ZRANB3: variants seen among roughly 807,000 people sequenced by gnomAD.
ZRANB3 encodes zinc finger RANBP2-type containing 3.
A neutral mutation model predicts 133.8 loss-of-function variants in ZRANB3; 125 were observed. That is an observed-to-expected ratio of 0.93 (90% CI 0.81 to 1.08). The LOEUF (loss-of-function observed/expected upper bound fraction) is 1.08, where lower values mean the gene tolerates loss of function less well. ZRANB3 is among the 50% of genes least tolerant of loss of function. The pLI, the probability that ZRANB3 is intolerant of heterozygous loss-of-function variation, is 0.00. For synonymous variants in ZRANB3, 387 were observed against 432.7 expected (o/e 0.89, Z 1.31); for missense variants, 1,229 against 1,275.5 (o/e 0.96, Z 0.56).
At chr2:135,375,844 G>A (rs1455416832) in intron 3 of ZRANB3, among the ~76,000 whole-genome samples, 7 of 150,970 alleles carry the variant, frequency 4.6e-5, no homozygotes, top group Non-Finnish European at 1.5e-5. Context: ...CAACAAGAGC[G>A]AAACTCCATC....
chr2:135,216,601 A>ATT (rs577194391), intron 17 of ZRANB3, among the ~76,000 whole-genome samples: 19 of 140,856 alleles, frequency 1.3e-4, no homozygotes, highest in African/African-American at 2.6e-4. Flanking sequence ...CACCTGGCTA[A>ATT]TTTTTTTTTT....
At chr2:135,402,406 T>A (rs1687775465) in intron 2 of ZRANB3, among the ~76,000 whole-genome samples, 1 of 151,752 alleles carries the variant, frequency 6.6e-6, no homozygotes. Context: ...GTGATTCTCC[T>A]GCCTCAGTCT....
intron 17 of ZRANB3, among the ~76,000 whole-genome samples, chr2:135,213,668 C>T (rs952854795): frequency 1.3e-5 from 2 of 152,090 alleles, no homozygotes; most frequent in African/African-American, 2.4e-5. Flanking sequence ...AGATCCTCAT[C>T]GTTTTTCTCC....
chr2:135,221,367 G>C (rs889720607), intron 15 of ZRANB3, among the ~76,000 whole-genome samples: 2 of 152,060 alleles, frequency 1.3e-5, no homozygotes, highest in East Asian at 3.9e-4. Flanking sequence ...GAAGAAGCAG[G>C]CTACTAGGCT....
intron 6 of ZRANB3, among the ~76,000 whole-genome samples, chr2:135,321,357 C>A (rs1465371219): frequency 6.6e-6 from 1 of 152,150 alleles, no homozygotes; most frequent in Non-Finnish European, 1.5e-5. Flanking sequence ...CGACTAAGGT[C>A]TTGGGCATTT....
At chr2:135,278,360 T>G (rs182194922) in intron 8 of ZRANB3, among the ~76,000 whole-genome samples, 1 of 152,150 alleles carries the variant, frequency 6.6e-6, no homozygotes, top group Non-Finnish European at 1.5e-5. Flanking sequence ...AAAAATCAGA[T>G]AGAATAGTAA....
intron 2 of ZRANB3, among the ~76,000 whole-genome samples, chr2:135,485,185 A>AAACAT (rs1223723608): frequency 3.4e-3 from 414 of 121,698 alleles, no homozygotes; most frequent in Middle Eastern, 9.8e-3. Flanking sequence ...AAACAAAACA[A>AAACAT]AACATAACAT....
chr2:135,512,159 T>G (rs879575803), intron 1 of ZRANB3, among the ~76,000 whole-genome samples: 6 of 152,166 alleles, frequency 3.9e-5, no homozygotes, highest in Non-Finnish European at 8.8e-5. Context: ...CAAAATCTAG[T>G]AGAACTTATT....
intron 2 of ZRANB3, among the ~76,000 whole-genome samples, chr2:135,487,085 G>C (rs1692157222): frequency 6.6e-6 from 1 of 152,206 alleles, no homozygotes; most frequent in Non-Finnish European, 1.5e-5. Flanking sequence ...ATGGGCTACA[G>C]AATGGATGCT....
intron 3 of ZRANB3, among the ~76,000 whole-genome samples, chr2:135,389,123 A>G (rs570492639): frequency 9.9e-5 from 15 of 152,270 alleles, no homozygotes; most frequent in South Asian, 6.2e-4. Flanking sequence ...ACAAAAAACA[A>G]CAAAAGAACT....
chr2:135,462,583 C>G (rs572893652), intron 2 of ZRANB3, among the ~76,000 whole-genome samples: 21 of 148,986 alleles, frequency 1.4e-4, no homozygotes, highest in African/African-American at 5.1e-4. Context: ...TCCTCCCTCC[C>G]TCTCTCTCTC....
chr2:135,394,381 T>C (rs1036169514), intron 2 of ZRANB3, among the ~76,000 whole-genome samples: 3 of 152,184 alleles, frequency 2.0e-5, no homozygotes, highest in African/African-American at 7.2e-5. Context: ...TGATATGTGA[T>C]AATTTAATGG....
chr2:135,408,200 T>C (rs1337938818), intron 2 of ZRANB3, among the ~76,000 whole-genome samples: 1 of 152,142 alleles, frequency 6.6e-6, no homozygotes, highest in African/African-American at 2.4e-5. Context: ...AAGACGTTTA[T>C]GCAGCCAAAA....
intron 8 of ZRANB3, among the ~76,000 whole-genome samples, chr2:135,293,525 A>G (rs1681874690): frequency 1.3e-5 from 2 of 152,166 alleles, no homozygotes; most frequent in African/African-American, 4.8e-5. Flanking sequence ...TAGATATACA[A>G]TCATGTCATC....
intron 12 of ZRANB3, among the ~76,000 whole-genome samples, chr2:135,258,192 A>G (rs1476661130): frequency 6.6e-6 from 1 of 152,234 alleles, no homozygotes; most frequent in Non-Finnish European, 1.5e-5. Flanking sequence ...GCTGCAAGAA[A>G]TAACAACTCA....
At chr2:135,386,488 C>G (rs1206874995) in intron 3 of ZRANB3, among the ~76,000 whole-genome samples, 2 of 152,210 alleles carry the variant, frequency 1.3e-5, no homozygotes, top group Admixed American at 1.3e-4. Flanking sequence ...GATCCCATTA[C>G]TGGGTATATA....
chr2:135,418,971 T>G (rs1185049815), intron 2 of ZRANB3, among the ~76,000 whole-genome samples: 1 of 131,070 alleles, frequency 7.6e-6, no homozygotes, highest in Non-Finnish European at 1.5e-5. Flanking sequence ...GGAGTCTCGT[T>G]CTGTCACCCA....
At chr2:135,486,625 T>C (rs1031107919) in intron 2 of ZRANB3, among the ~76,000 whole-genome samples, 4 of 152,080 alleles carry the variant, frequency 2.6e-5, no homozygotes, top group Non-Finnish European at 5.9e-5. Context: ...GCAATTCTCC[T>C]GCCTCAGCCT....
intron 3 of ZRANB3, among the ~76,000 whole-genome samples, chr2:135,387,057 ACTAGTGAAGGACGTCATTTGTTT>A (rs1687017579): frequency 1.3e-5 from 2 of 152,084 alleles, no homozygotes; most frequent in African/African-American, 2.4e-5. Flanking sequence ...GGGGAATAAT[ACTAGTGAAGGACGTCATTTGTTT>A]CTAAAGCTAG....
Sources: allele counts gnomAD v4.1 joint callset (sites outside exome capture counted in the v4.1 genomes callset), GRCh38; gene constraint gnomAD v4.1.1; transcripts MANE v1.5; gene names NCBI Gene and HGNC (gene_info 2026-07-23, HGNC 2026-07-21).